The following STX8 variants were observed in gnomAD, a reference collection of about 807,000 sequenced individuals.
STX8 encodes the protein syntaxin-8.
STX8 carries 23 observed loss-of-function variants against 37.5 expected under a neutral mutation model. The ratio of observed to expected loss-of-function variants is 0.61; its 90% confidence interval spans 0.44 to 0.87. The LOEUF is 0.87. Among genes scored for constraint, STX8 ranks in the 40% least tolerant of loss-of-function variants. STX8 has a pLI of 0.00. For missense variants in STX8, 313 were observed against 284.7 expected, an observed-to-expected ratio of 1.10 and a Z score of -0.71; for synonymous variants, 115 against 99.1, an observed-to-expected ratio of 1.16 and a Z score of -0.95.
chr17:9,347,388 G>A (rs1199761312), intron 7 of STX8, among the ~76,000 whole-genome samples: 2 of 152,168 alleles, frequency 1.3e-5, no homozygotes, highest in African/African-American at 2.4e-5. Context: ...ATATATGGAA[G>A]CTTTTTTCCT....
intron 4 of STX8, among the ~76,000 whole-genome samples, chr17:9,528,743 T>C (rs1350558827): frequency 6.6e-6 from 1 of 151,722 alleles, no homozygotes; most frequent in Non-Finnish European, 1.5e-5. Context: ...ATCTACAAAA[T>C]AAATGACAAC....
intron 7 of STX8, among the ~76,000 whole-genome samples, chr17:9,289,090 T>C (rs1483481664): frequency 1.3e-5 from 2 of 152,206 alleles, no homozygotes; most frequent in African/African-American, 4.8e-5. Context: ...TGGACTTCTC[T>C]ATGGCAATAC....
At chr17:9,269,333 C>T (rs899471225) in intron 7 of STX8, among the ~76,000 whole-genome samples, 2 of 152,136 alleles carry the variant, frequency 1.3e-5, no homozygotes, top group Middle Eastern at 3.2e-3. Context: ...TCCCTTAAGA[C>T]GCTCCAGCGT....
At chr17:9,324,658 G>A (rs1225551598) in intron 7 of STX8, among the ~76,000 whole-genome samples, 6 of 151,574 alleles carry the variant, frequency 4.0e-5, no homozygotes, top group East Asian at 1.9e-4. Context: ...CCAGCTACTC[G>A]GGAGGCTGAG....
At position 9,293,955 on chromosome 17, in the gene STX8, C is replaced by T. The variant is rs1908418525; in HGVS notation, c.644-43310G>A. 4.0e-5 allele frequency among the ~76,000 whole-genome samples: 6 copies of T among 151,872 alleles called. No homozygotes were observed. The South Asian group carries it at 1.2e-3, about 32-fold the overall frequency. ...TTTTTTTTTGTATTTTTAGTAGAGACGGGGTTTCACCGTGTTAGCCAGGAT... is the reference window on the plus strand; with the variant it reads ...TTTTTTTTTGTATTTTTAGTAGAGATGGGGTTTCACCGTGTTAGCCAGGAT... On this transcript the variant is annotated intron_variant, in intron 7 of 7. Coordinates refer to ENST00000306357, the MANE Select transcript of STX8 (RefSeq NM_004853.3).
chr17:9,463,781 G>A (rs1905493895), intron 6 of STX8, among the ~76,000 whole-genome samples: 1 of 152,102 alleles, frequency 6.6e-6, no homozygotes, highest in Non-Finnish European at 1.5e-5. Flanking sequence ...GGTGGCGCAT[G>A]CCTGTAATCC....
chr17:9,460,682 A>AAC lies in STX8; in HGVS notation c.541+31146_541+31147insGT, dbSNP rs1466615431. Among the ~76,000 whole-genome samples, 100 of 148,672 alleles carry AAC rather than the reference A, an allele frequency of 6.7e-4. 3 individuals are homozygous for AAC. The highest frequency in any genetic ancestry group is 3.5e-3 in the Middle Eastern group (1 of 288). On this transcript the variant is annotated intron_variant, in intron 6 of 7. Transcript: ENST00000306357. ...GAGTGAGACTCTGTCTCAAAAAAAA[A>AAC]AAAAAACAAAACAAAACTACTAAAT...
chr17:9,415,223 G>A (rs1913143686), intron 6 of STX8, among the ~76,000 whole-genome samples: 1 of 152,034 alleles, frequency 6.6e-6, no homozygotes, highest in Non-Finnish European at 1.5e-5. Flanking sequence ...CTTTCTCCAG[G>A]CACCTTTCCT....
At chr17:9,546,077 A>G (rs1419551190) in intron 3 of STX8, among the ~76,000 whole-genome samples, 1 of 152,160 alleles carries the variant, frequency 6.6e-6, no homozygotes, top group Non-Finnish European at 1.5e-5. Context: ...CTTCCATGTT[A>G]ATATCTATTA....
chr17:9,516,798 A>T (rs1905172209), intron 4 of STX8, among the ~76,000 whole-genome samples: 1 of 152,212 alleles, frequency 6.6e-6, no homozygotes, highest in South Asian at 2.1e-4. Context: ...CATGAAGCAC[A>T]CTAGTTAAAA....
intron 6 of STX8, among the ~76,000 whole-genome samples, chr17:9,458,880 AGTGCAGTGGT>A (rs1905267486): frequency 6.9e-6 from 1 of 144,726 alleles, no homozygotes; most frequent in African/African-American, 2.6e-5. Flanking sequence ...CCCAGGCTGG[AGTGCAGTGGT>A]GCAATCTCGG....
At chr17:9,568,540 G>A (rs142775204) in intron 1 of STX8, 70 bp from the exon 2 acceptor site, 41,016 of 1,333,610 alleles carry the variant, frequency 0.031, 755 homozygotes, top group Middle Eastern at 0.046. Context: ...TCGCTCTGTC[G>A]CCCAGGCTGG....
At chr17:9,495,846 A>G (rs1473926352) in intron 5 of STX8, among the ~76,000 whole-genome samples, 1 of 152,222 alleles carries the variant, frequency 6.6e-6, no homozygotes, top group East Asian at 1.9e-4. Flanking sequence ...TGGCTATCTT[A>G]GAGACAATGA....
chr17:9,448,080 C>A (rs1465584985), intron 6 of STX8, among the ~76,000 whole-genome samples: 1 of 149,660 alleles, frequency 6.7e-6, no homozygotes, highest in Non-Finnish European at 1.5e-5. Context: ...AAGGCTGAGA[C>A]AGGAGAACTG....
chr17:9,289,772 T>A (rs1908248876), intron 7 of STX8, among the ~76,000 whole-genome samples: 1 of 148,256 alleles, frequency 6.7e-6, no homozygotes, highest in Non-Finnish European at 1.5e-5. Flanking sequence ...AGAGCAAGAC[T>A]CCGTCTCAAA....
intron 4 of STX8, among the ~76,000 whole-genome samples, chr17:9,536,306 C>T (rs562398826): frequency 3.3e-5 from 5 of 152,232 alleles, no homozygotes; most frequent in South Asian, 2.1e-4. Flanking sequence ...AAGCCGACAT[C>T]GAGTATCGGG....
intron 2 of STX8, 118 bp from the exon 3 acceptor site, chr17:9,557,646 T>C (rs1421949370): frequency 2.4e-6 from 2 of 838,234 alleles, no homozygotes; most frequent in East Asian, 2.9e-5. Context: ...CTGGAAGAGA[T>C]AGATACTCAG....
At chr17:9,383,743 G>T (rs1911897118) in intron 6 of STX8, among the ~76,000 whole-genome samples, 1 of 152,032 alleles carries the variant, frequency 6.6e-6, no homozygotes, top group South Asian at 2.1e-4. Flanking sequence ...AAAACTACTA[G>T]AACTAGTAAG....
intron 7 of STX8, among the ~76,000 whole-genome samples, chr17:9,333,531 G>A (rs1327044224): frequency 6.6e-6 from 1 of 152,040 alleles, no homozygotes; most frequent in Non-Finnish European, 1.5e-5. Flanking sequence ...GGGACTATAG[G>A]CGCCCGCCAC....
Sources: allele counts gnomAD v4.1 joint callset (sites outside exome capture counted in the v4.1 genomes callset), GRCh38; gene constraint gnomAD v4.1.1; transcripts MANE v1.5; gene names NCBI Gene and HGNC (gene_info 2026-07-23, HGNC 2026-07-21).